WWP2: variants seen among roughly 807,000 people sequenced by gnomAD.
WWP2 encodes NEDD4-like E3 ubiquitin-protein ligase WWP2.
Under a neutral mutation model 121.0 loss-of-function variants are expected in WWP2, and 57 were observed. The observed-to-expected ratio is 0.47, with a 90% CI of 0.38 to 0.59. The LOEUF is 0.59. WWP2 is among the 20% of genes least tolerant of loss of function. WWP2 has a pLI of 0.00. For synonymous variants in WWP2, 449 were observed against 441.3 expected (o/e 1.02, Z -0.22); for missense variants, 962 against 1,158.9 (o/e 0.83, Z 2.47).
At chr16:69,846,025 G>A (rs149351825) in intron 6 of WWP2, among the ~76,000 whole-genome samples, 1,471 of 109,306 alleles carry the variant, frequency 0.013, 20 homozygotes, top group African/African-American at 0.047. Context: ...ACTCCAGCCT[G>A]GGTGACAGAG....
At chr16:69,762,517 G>A (rs2038633431) in intron 1 of WWP2, 126 bp downstream of exon 1, 6 of 150,124 alleles carry the variant, frequency 4.0e-5, no homozygotes. Flanking sequence ...GCGGCTTCCT[G>A]TGGGAGGGGC....
In WWP2 at chr16:69,937,030, C is replaced by T. The variant is rs2058809869; in HGVS notation, c.2118-88C>T. 26 of 1,522,484 alleles carry T rather than the reference C, an allele frequency of 1.7e-5. No individual in the cohort carries two copies. Among genetic ancestry groups the T allele is most frequent in the Non-Finnish European group, 2.2e-5 (25 of 1,131,538 alleles). 94.3% of individuals were successfully genotyped at this position (1,522,484 alleles called of 1,614,324 possible). A position where few individuals can be genotyped will look rare whatever the true frequency, so the allele number is the denominator to read the frequency against. ...AGTGGGCTCTGCTGATCTGGTGGTC[C>T]TGCGCGGTAACGGCCACGCGGCCTG... On this transcript the variant is annotated intron_variant, in intron 19 of 23. Coordinates refer to ENST00000359154, the MANE Select transcript of WWP2 (RefSeq NM_001270454.2). This position sits in a 1 kb window ranked among gnomAD's most constrained non-coding sequence, Gnocchi z 6.6.
chr16:69,772,551 A>G (rs1229252391), intron 1 of WWP2, among the ~76,000 whole-genome samples: 1 of 152,184 alleles, frequency 6.6e-6, no homozygotes, highest in Non-Finnish European at 1.5e-5. Context: ...GCTACGCTAT[A>G]GGCAGTGTGT....
At chr16:69,845,692 C>G (rs1166028855) in intron 6 of WWP2, among the ~76,000 whole-genome samples, 1 of 152,140 alleles carries the variant, frequency 6.6e-6, no homozygotes, top group Non-Finnish European at 1.5e-5. Context: ...CAGAGCACCA[C>G]TTGCTTGCTA....
At chr16:69,855,190 A>G (rs2057289235) in intron 6 of WWP2, among the ~76,000 whole-genome samples, 1 of 152,250 alleles carries the variant, frequency 6.6e-6, no homozygotes. Flanking sequence ...ACAGAACTAA[A>G]ATCTAGAATT....
intron 19 of WWP2, chr16:69,936,765 G>T: frequency 2.0e-6 from 1 of 497,610 alleles, no homozygotes; most frequent in Non-Finnish European, 3.6e-6. Flanking sequence ...GGATCTCTGT[G>T]GCCTGTGTGC....
At chr16:69,862,924 C>G (rs2057451768) in intron 6 of WWP2, among the ~76,000 whole-genome samples, 3 of 151,920 alleles carry the variant, frequency 2.0e-5, no homozygotes, top group African/African-American at 4.8e-5. Context: ...GACGAGGTCT[C>G]CCTGTGCTGC....
chr16:69,916,101 G>C (rs943608768), intron 9 of WWP2, among the ~76,000 whole-genome samples: 1 of 152,014 alleles, frequency 6.6e-6, no homozygotes, highest in Non-Finnish European at 1.5e-5. Context: ...CAAATTATGA[G>C]AAAGCTAGGA....
At chr16:69,931,378 T>C (rs8052727) in intron 14 of WWP2, 131 bp from the exon 15 acceptor site, 2 of 1,453,374 alleles carry the variant, frequency 1.4e-6, no homozygotes, top group Non-Finnish European at 1.9e-6. Context: ...TCTAGGAAGC[T>C]AGTTTTCATT....
At chr16:69,907,928 G>A (rs2058318686) in intron 8 of WWP2, among the ~76,000 whole-genome samples, 1 of 152,180 alleles carries the variant, frequency 6.6e-6, no homozygotes, top group Non-Finnish European at 1.5e-5. Context: ...ATGCTCGGAG[G>A]AGAGGGGTAG....
intron 1 of WWP2, among the ~76,000 whole-genome samples, chr16:69,773,192 T>G (rs2055455668): frequency 6.6e-6 from 1 of 152,118 alleles, no homozygotes; most frequent in African/African-American, 2.4e-5. Flanking sequence ...CTCCTTTTTT[T>G]TTTTTGAGAT....
intron 4 of WWP2, among the ~76,000 whole-genome samples, chr16:69,812,222 A>T (rs954028178): frequency 1.4e-5 from 2 of 138,650 alleles, no homozygotes; most frequent in African/African-American, 2.8e-5. Flanking sequence ...GCTGGAGTGC[A>T]ATGACATGAT....
chr16:69,932,117 G>A (rs1238942002), intron 16 of WWP2, among the ~76,000 whole-genome samples: 3 of 152,206 alleles, frequency 2.0e-5, no homozygotes. Flanking sequence ...ATCACCTGAG[G>A]TCGGGGGTTC....
intron 4 of WWP2, among the ~76,000 whole-genome samples, chr16:69,804,724 C>G (rs1340234057): frequency 6.6e-6 from 1 of 152,062 alleles, no homozygotes; most frequent in East Asian, 1.9e-4. Context: ...CCCATGCCCC[C>G]TAAAAAATCT....
chr16:69,794,253 G>A (rs529887646), intron 2 of WWP2, among the ~76,000 whole-genome samples: 1 of 152,214 alleles, frequency 6.6e-6, no homozygotes, highest in South Asian at 2.1e-4. Context: ...GGCTGGGTGT[G>A]GTGGCTCATG....
intron 5 of WWP2, 73 bp from the exon 6 acceptor site, chr16:69,841,951 T>G: frequency 1.4e-6 from 2 of 1,462,356 alleles, no homozygotes; most frequent in Non-Finnish European, 1.9e-6. Flanking sequence ...GTTCTGTTCC[T>G]GGCCGTCAAA....
Position 69,799,550 on chromosome 16 carries a change from A to G in WWP2, c.340+255A>G, listed in dbSNP as rs2056118134. 2.6e-6 allele frequency: 1 copy of G among 382,664 alleles called. No homozygotes were observed. Among genetic ancestry groups the G allele is most frequent in the Non-Finnish European group, 4.7e-6 (1 of 214,018 alleles). The allele number at this position is 382,664 out of a possible 1,614,324, so 23.7% of individuals were successfully genotyped here. On this transcript the variant is annotated intron_variant, in intron 4 of 23. Transcript: ENST00000359154. This position sits in a 1 kb window ranked among gnomAD's most constrained non-coding sequence, Gnocchi z 4.5. ...CCCTTTATCCTTCCTTAGGGACTGGAAACTTTCTGTCTGCCTCTGCTCCTC... is the reference window on the plus strand; with the variant it reads ...CCCTTTATCCTTCCTTAGGGACTGGGAACTTTCTGTCTGCCTCTGCTCCTC...
At chr16:69,930,811 G>A (rs150537512) in intron 13 of WWP2, among the ~76,000 whole-genome samples, 1 of 152,286 alleles carries the variant, frequency 6.6e-6, no homozygotes, top group East Asian at 1.9e-4. Flanking sequence ...ATTCGAGGCC[G>A]CAGTGAGCCA....
chr16:69,860,986 C>T (rs924754132), intron 6 of WWP2, among the ~76,000 whole-genome samples: 5 of 152,142 alleles, frequency 3.3e-5, no homozygotes, highest in East Asian at 1.9e-4. Context: ...ATGCCAGTAG[C>T]GAGAAAGTGA....
Sources: gnomAD v4.1 joint callset for allele counts (sites outside exome capture counted in the v4.1 genomes callset) on GRCh38, gnomAD v4.1.1 for gene constraint, Gnocchi (gnomAD v3.1) non-coding constraint, MANE v1.5 for transcripts, NCBI Gene and HGNC (gene_info 2026-07-23, HGNC 2026-07-21) for gene names.